Variants in RAMP1 observed in about 807,000 individuals in gnomAD.
RAMP1 encodes receptor activity modifying protein 1.
RAMP1 carries 7 observed loss-of-function variants against 8.2 expected under a neutral mutation model. The observed-to-expected ratio is 0.85, with a 90% CI of 0.49 to 1.60. The LOEUF (loss-of-function observed/expected upper bound fraction) is 1.60, where lower values mean the gene tolerates loss of function less well. Ranked by LOEUF, RAMP1 falls within the 40% of genes most tolerant of loss-of-function variation. RAMP1 has a pLI of 0.00. For synonymous variants in RAMP1, 92 were observed against 84.7 expected, an observed-to-expected ratio of 1.09 and a Z score of -0.47; for missense variants, 192 against 202.4, an observed-to-expected ratio of 0.95 and a Z score of 0.31.
intron 2 of RAMP1, among the ~76,000 whole-genome samples, chr2:237,900,529 T>TA (rs1398131941): frequency 6.6e-6 from 1 of 152,210 alleles, no homozygotes; most frequent in Non-Finnish European, 1.5e-5. Flanking sequence ...TTGTTCTTTT[T>TA]AAAAAATATC....
intron 2 of RAMP1, among the ~76,000 whole-genome samples, chr2:237,910,564 CAG>C (rs1259532401): frequency 1.3e-5 from 2 of 151,586 alleles, no homozygotes; most frequent in Non-Finnish European, 2.9e-5. Context: ...GTCACACACA[CAG>C]AATAACAGTT....
intron 1 of RAMP1, chr2:237,874,495 C>A: frequency 4.7e-6 from 1 of 211,334 alleles, no homozygotes; most frequent in Non-Finnish European, 8.2e-6. Flanking sequence ...TCACACCAGC[C>A]CCAGTTGGTT....
rs188920949 is a variant in RAMP1, at chr2:237,865,457, C to A, written c.52+5730C>A. 1.6e-4 allele frequency among the ~76,000 whole-genome samples: 24 copies of A among 152,170 alleles called. No homozygotes were observed. The highest frequency in any genetic ancestry group is 1.2e-4 in the Non-Finnish European group (8 of 67,992). On this transcript the variant is annotated intron_variant, in intron 1 of 2. Coordinates refer to ENST00000254661, the MANE Select transcript of RAMP1 (RefSeq NM_005855.4). The surrounding 1 kb of genome is among the most constrained non-coding windows in gnomAD (Gnocchi z 4.2). ...ACTGGAATTTCAGATAAACAAGAAG[C>A]ATAAGCCTGTCTCATACAGTATCGG...
chr2:237,894,288 A>G (rs76430372), intron 2 of RAMP1, among the ~76,000 whole-genome samples: 2,127 of 152,298 alleles, frequency 0.014, 56 homozygotes, highest in African/African-American at 0.048. Context: ...GTTTTTAATT[A>G]GGATATTGTA....
At chr2:237,866,429 C>G (rs928198350) in intron 1 of RAMP1, among the ~76,000 whole-genome samples, 1 of 152,112 alleles carries the variant, frequency 6.6e-6, no homozygotes, top group Non-Finnish European at 1.5e-5. Context: ...GGTGGTCCTA[C>G]CACCTCTTAA....
chr2:237,875,308 A>T (rs937771524), intron 1 of RAMP1, among the ~76,000 whole-genome samples: 1 of 152,114 alleles, frequency 6.6e-6, no homozygotes, highest in Non-Finnish European at 1.5e-5. Flanking sequence ...GCTGGTATGG[A>T]CATGGTGGGG....
chr2:237,901,316 G>C (rs1380746338), intron 2 of RAMP1, among the ~76,000 whole-genome samples: 2 of 152,262 alleles, frequency 1.3e-5, no homozygotes. Context: ...GGTGTCTGCA[G>C]TCTGGTTGTT....
chr2:237,882,480 C>G (rs999651000), intron 2 of RAMP1, among the ~76,000 whole-genome samples: 6 of 152,150 alleles, frequency 3.9e-5, no homozygotes, highest in African/African-American at 1.4e-4. Flanking sequence ...TTCACCTGCC[C>G]AGGCTCGCAC....
intron 1 of RAMP1, among the ~76,000 whole-genome samples, chr2:237,875,399 G>A (rs1221988029): frequency 1.3e-5 from 2 of 151,534 alleles, no homozygotes; most frequent in Non-Finnish European, 2.9e-5. Flanking sequence ...GCCCGGAGGA[G>A]GCTGTTCTGC....
chr2:237,872,267 G>C (rs149829137), intron 1 of RAMP1, among the ~76,000 whole-genome samples: 219 of 152,276 alleles, frequency 1.4e-3, no homozygotes, highest in African/African-American at 4.8e-3. Flanking sequence ...GGGGCACCTC[G>C]TGCTCTATCC....
At chr2:237,901,393 A>G (rs573972556) in intron 2 of RAMP1, among the ~76,000 whole-genome samples, 1 of 152,374 alleles carries the variant, frequency 6.6e-6, no homozygotes, top group East Asian at 1.9e-4. Context: ...CCATCTATGA[A>G]GGAAAACCCC....
chr2:237,902,247 C>G (rs553471042), intron 2 of RAMP1, among the ~76,000 whole-genome samples: 17 of 147,442 alleles, frequency 1.2e-4, no homozygotes, highest in African/African-American at 3.9e-4. Context: ...GAGGTGGGGG[C>G]CTGGAGCAAG....
At chr2:237,911,466 T>C (rs2062711360) in intron 2 of RAMP1, 62 bp from the exon 3 acceptor site, 1 of 1,588,824 alleles carries the variant, frequency 6.3e-7, no homozygotes, top group African/African-American at 1.3e-5. Flanking sequence ...CAGCCCGGGC[T>C]GGGGTCCCGC....
Position 237,892,735 on chromosome 2 carries a change from T to TTCTCTCTCTC in RAMP1, c.191+15387_191+15396dup, listed in dbSNP as rs35656622. ...AGGAATCTGGGTTTTGGGCTTCCTCTTCTCTCTCTCTCTCTCTCTCTCTTC... is the reference window on the plus strand; with the variant it reads ...AGGAATCTGGGTTTTGGGCTTCCTCTTCTCTCTCTCTCTCTCTCTCTCTCTCTCTCTCTTC... On this transcript the variant is annotated intron_variant, in intron 2 of 2. Coordinates refer to ENST00000254661, the MANE Select transcript of RAMP1 (RefSeq NM_005855.4). 3.9e-3 allele frequency among the ~76,000 whole-genome samples: 578 copies of TTCTCTCTCTC among 148,720 alleles called. 5 individuals are homozygous for TTCTCTCTCTC. Among genetic ancestry groups the TTCTCTCTCTC allele is most frequent in the African/African-American group, 0.014 (554 of 40,478 alleles).
chr2:237,909,020 G>A (rs1412262113), intron 2 of RAMP1, among the ~76,000 whole-genome samples: 2 of 152,126 alleles, frequency 1.3e-5, no homozygotes, highest in Non-Finnish European at 2.9e-5. Context: ...CTGGCATCAT[G>A]GATACGGGGG....
rs2062138155 is a variant in RAMP1 at position 237,862,029 on chromosome 2, TC to T, written c.52+2303del. 6.6e-6 allele frequency among the ~76,000 whole-genome samples: 1 copy of T among 152,102 alleles called. No individual in the cohort carries two copies. The highest frequency in any genetic ancestry group is 1.5e-5 in the Non-Finnish European group (1 of 67,994). On this transcript the variant is annotated intron_variant, in intron 1 of 2. Transcript: ENST00000254661. This position sits in a 1 kb window ranked among gnomAD's most constrained non-coding sequence, Gnocchi z 4.0. ...AGAAGCCCCTGGTTTTTCGAGTCCATCTTCACTCAGGGAATGCTGGCTGGTG... is the reference window on the plus strand; with the variant it reads ...AGAAGCCCCTGGTTTTTCGAGTCCATTTCACTCAGGGAATGCTGGCTGGTG...
At chr2:237,867,573 T>C (rs2062201683) in intron 1 of RAMP1, among the ~76,000 whole-genome samples, 1 of 152,172 alleles carries the variant, frequency 6.6e-6, no homozygotes, top group East Asian at 1.9e-4. Context: ...AACCGTTCGA[T>C]GTGACACAAC....
intron 1 of RAMP1, among the ~76,000 whole-genome samples, chr2:237,863,503 G>A (rs1446802282): frequency 1.3e-5 from 2 of 152,158 alleles, no homozygotes; most frequent in African/African-American, 4.8e-5. Context: ...GCGTCAACAC[G>A]GCCACCATAG....
At chr2:237,911,212 AGCT>A (rs1223243081) in intron 2 of RAMP1, among the ~76,000 whole-genome samples, 1 of 148,354 alleles carries the variant, frequency 6.7e-6, no homozygotes, top group Non-Finnish European at 1.5e-5. Flanking sequence ...GTGGCAGAGG[AGCT>A]GGTGGCAGAG....
Sources: allele counts gnomAD v4.1 joint callset (sites outside exome capture counted in the v4.1 genomes callset), GRCh38; gene constraint gnomAD v4.1.1; non-coding constraint Gnocchi (gnomAD v3.1); transcripts MANE v1.5; gene names NCBI Gene and HGNC (gene_info 2026-07-23, HGNC 2026-07-21).